The following ADD3 variants were observed in gnomAD, a reference collection of about 807,000 sequenced individuals.
ADD3 encodes the protein gamma-adducin.
ADD3 carries 25 observed loss-of-function variants against 80.2 expected under a neutral mutation model. That is an observed-to-expected ratio of 0.31 (90% confidence interval 0.23 to 0.44). ADD3 has a LOEUF of 0.44. Among genes scored for constraint, ADD3 ranks in the 20% least tolerant of loss-of-function variants. The pLI, the probability that ADD3 is intolerant of heterozygous loss-of-function variation, is 1.00. For synonymous variants in ADD3, 284 were observed against 289.6 expected (o/e 0.98, Z 0.20); for missense variants, 829 against 847.5 (o/e 0.98, Z 0.27).
rs1383770977 is a variant in ADD3 at position 110,112,681 on chromosome 10, CA to C, written c.196-95del. ...TTAAATAGTACAGGTAAAAGCTATTCAGAAAAGGGATGGGGTAAAGATTGAT... is the reference window on the plus strand; with the variant it reads ...TTAAATAGTACAGGTAAAAGCTATTCGAAAAGGGATGGGGTAAAGATTGAT... On this transcript the variant is annotated intron_variant, in intron 2 of 14. Coordinates refer to ENST00000356080, the MANE Select transcript of ADD3 (RefSeq NM_016824.5). 17 of 1,404,838 alleles carry C rather than the reference CA, an allele frequency of 1.2e-5. No individual in the cohort carries two copies. In the Admixed American group the frequency reaches 3.3e-4, roughly 28 times the overall value. The allele number at this position is 1,404,838 out of a possible 1,614,324, so 87.0% of individuals were successfully genotyped here.
At chr10:110,063,970 T>C (rs1172762173) in intron 1 of ADD3, among the ~76,000 whole-genome samples, 2 of 151,720 alleles carry the variant, frequency 1.3e-5, no homozygotes, top group Non-Finnish European at 2.9e-5. Flanking sequence ...GTTGCCTGTT[T>C]CAGGATTTTA....
rs908539167 is a variant in ADD3, at chr10:110,027,585, G to C, written c.-30+19286G>C. Among the ~76,000 whole-genome samples the C allele has an allele frequency of 4.6e-5, 7 of 152,000 alleles. No individual in the cohort carries two copies. In the East Asian group the frequency reaches 1.3e-3, roughly 29 times the overall value. ...TTACACTTAGCACATCTTAATTCAG[G>C]CTAGCCACAGTTCAAGTTTTCAGTA... On this transcript the variant is annotated intron_variant, in intron 1 of 14. Coordinates refer to ENST00000356080, the MANE Select transcript of ADD3 (RefSeq NM_016824.5).
chr10:110,104,325 T>C (rs527584709), intron 2 of ADD3, among the ~76,000 whole-genome samples: 1 of 152,350 alleles, frequency 6.6e-6, no homozygotes, highest in East Asian at 1.9e-4. Context: ...CCCACTAGGT[T>C]CTTGGTTCCA....
intron 1 of ADD3, among the ~76,000 whole-genome samples, chr10:110,051,951 G>A (rs997338257): frequency 6.6e-6 from 1 of 152,070 alleles, no homozygotes; most frequent in East Asian, 1.9e-4. Context: ...ACAGGCCCAC[G>A]CCATCATGGC....
rs75844665 is a variant in ADD3 at position 110,107,669 on chromosome 10, C to T, written c.196-5108C>T. Among the ~76,000 whole-genome samples, 284 of 152,230 alleles carry T rather than the reference C, an allele frequency of 1.9e-3. 1 individual carries two copies. Among genetic ancestry groups the T allele is most frequent in the Admixed American group, 5.3e-3 (81 of 15,286 alleles). The stretch of plus-strand genomic sequence containing the variant: ...ACCACTTACTAGCTATGTGACATTA[C>T]GAAGCTCGTTTAACTTGAGCTTCAG... On this transcript the variant is annotated intron_variant, in intron 2 of 14. Coordinates refer to ENST00000356080, the MANE Select transcript of ADD3 (RefSeq NM_016824.5).
In ADD3 at chr10:110,085,061, A is replaced by G. The variant is rs186594728; in HGVS notation, c.-29-15564A>G. 1.7e-4 allele frequency among the ~76,000 whole-genome samples: 26 copies of G among 152,268 alleles called. No individual in the cohort carries two copies. In the East Asian group the frequency reaches 5.0e-3, roughly 29 times the overall value. ...TATTTCCAGTTTCTTCATGTTAGAA[A>G]TAATTTTAATTCCCCCCCATTTTTT... On this transcript the variant is annotated intron_variant, in intron 1 of 14. Coordinates refer to ENST00000356080, the MANE Select transcript of ADD3 (RefSeq NM_016824.5).
intron 1 of ADD3, among the ~76,000 whole-genome samples, chr10:110,037,547 G>A (rs1344750233): frequency 6.7e-6 from 1 of 150,270 alleles, no homozygotes; most frequent in African/African-American, 2.5e-5. Flanking sequence ...GGAGGTTGCA[G>A]TGAGCCGAGA....
intron 1 of ADD3, among the ~76,000 whole-genome samples, chr10:110,028,920 C>G (rs1854644951): frequency 6.8e-6 from 1 of 147,974 alleles, no homozygotes; most frequent in Non-Finnish European, 1.5e-5. Context: ...GCTCTTGTTG[C>G]CCAGGCTGGA....
intron 4 of ADD3, 53 bp from the exon 5 acceptor site, chr10:110,117,289 C>A: frequency 1.1e-6 from 1 of 889,434 alleles, no homozygotes; most frequent in South Asian, 1.5e-5. Context: ...GTCATGTTTC[C>A]ACTGCAAAAT....
chr10:110,066,785 T>C (rs1264354757), intron 1 of ADD3, among the ~76,000 whole-genome samples: 1 of 152,232 alleles, frequency 6.6e-6, no homozygotes, highest in Non-Finnish European at 1.5e-5. Context: ...AAGCAGCTTA[T>C]ATTTCTTTGA....
At chr10:110,129,998 C>G (rs553706060) in intron 12 of ADD3, among the ~76,000 whole-genome samples, 3 of 152,180 alleles carry the variant, frequency 2.0e-5, no homozygotes, top group African/African-American at 7.2e-5. Context: ...GGTACAGTTT[C>G]ATTTCTGTAA....
intron 3 of ADD3, among the ~76,000 whole-genome samples, chr10:110,115,344 G>A (rs796143564): frequency 2.6e-5 from 4 of 152,036 alleles, no homozygotes; most frequent in Non-Finnish European, 4.4e-5. Flanking sequence ...AGCCGAGATC[G>A]TACCATTGCA....
intron 1 of ADD3, among the ~76,000 whole-genome samples, chr10:110,028,304 T>C (rs1854551042): frequency 1.3e-5 from 2 of 152,216 alleles, no homozygotes; most frequent in African/African-American, 4.8e-5. Flanking sequence ...CTGGGCGTGG[T>C]GGCTCACGCC....
chr10:110,133,501 C>A lies in ADD3; in HGVS notation c.2004C>A (p.Ile668=), dbSNP rs13306102. 576 of 1,613,464 alleles carry A rather than the reference C, an allele frequency of 3.6e-4. 3 individuals are homozygous for A. The East Asian group carries it at 0.013, about 35-fold the overall frequency. ...TTACTATTAAGTCTCCAGAGAAAAT[C>A]GAAGAAGTCCTGTCACCTGAAGGCT... ...IEITIKSPEK[I]EEVLSPEGSP... is the part of the protein sequence containing the mutation. The change falls in exon 15 of 15, where the codon ATC becomes ATA. Residue 668 remains isoleucine, a synonymous_variant. Transcript: ENST00000356080.
intron 1 of ADD3, among the ~76,000 whole-genome samples, chr10:110,035,733 G>A (rs540024154): frequency 2.0e-5 from 3 of 152,218 alleles, no homozygotes; most frequent in South Asian, 2.1e-4. Flanking sequence ...AGTAAGGCCC[G>A]GTAATTTGCA....
intron 1 of ADD3, among the ~76,000 whole-genome samples, chr10:110,054,805 A>G (rs571511627): frequency 1.6e-3 from 243 of 151,942 alleles, no homozygotes; most frequent in Admixed American, 2.7e-3. Context: ...TAGTAGAGAC[A>G]GGGTTTCACC....
At chr10:110,025,816 G>A (rs1854221289) in intron 1 of ADD3, among the ~76,000 whole-genome samples, 2 of 152,050 alleles carry the variant, frequency 1.3e-5, no homozygotes, top group South Asian at 2.1e-4. Context: ...GGTTTTGTCA[G>A]AATTCCACCT....
intron 1 of ADD3, among the ~76,000 whole-genome samples, chr10:110,010,403 A>G (rs1337100832): frequency 6.6e-6 from 1 of 152,234 alleles, no homozygotes; most frequent in Non-Finnish European, 1.5e-5. Context: ...ACATAAAAGC[A>G]TAGAAACCTG....
At chr10:110,017,233 C>G (rs1853112372) in intron 1 of ADD3, among the ~76,000 whole-genome samples, 1 of 152,132 alleles carries the variant, frequency 6.6e-6, no homozygotes, top group Non-Finnish European at 1.5e-5. Flanking sequence ...AAGAGTTGAA[C>G]CAAGATTAGA....
Sources: gnomAD v4.1 joint callset for allele counts (sites outside exome capture counted in the v4.1 genomes callset) on GRCh38, gnomAD v4.1.1 for gene constraint, MANE v1.5 for transcripts, NCBI Gene and HGNC (gene_info 2026-07-23, HGNC 2026-07-21) for gene names.